The following USO1 variants were observed in gnomAD, a reference collection of about 807,000 sequenced individuals.
USO1 encodes USO1 vesicle transport factor.
USO1 carries 57 observed loss-of-function variants against 124.5 expected under a neutral mutation model. That is an observed-to-expected ratio of 0.46 (90% CI 0.37 to 0.57). USO1 has a LOEUF of 0.57. Ranked by LOEUF, USO1 falls within the 20% of genes least tolerant of loss-of-function variation. The pLI is 0.00. For missense variants in USO1, 900 were observed against 1,040.6 expected (o/e 0.86, Z 1.86); for synonymous variants, 369 against 362.8 (o/e 1.02, Z -0.19).
intron 21 of USO1, among the ~76,000 whole-genome samples, chr4:75,809,900 CT>C (rs1368147546): frequency 6.6e-6 from 1 of 152,206 alleles, no homozygotes; most frequent in Non-Finnish European, 1.5e-5. Context: ...TCCAAAGCTA[CT>C]TCCACATTTT....
intron 20 of USO1, among the ~76,000 whole-genome samples, chr4:75,807,750 G>A (rs958958035): frequency 6.6e-6 from 1 of 152,068 alleles, no homozygotes; most frequent in African/African-American, 2.4e-5. Flanking sequence ...GCCTTAGTTT[G>A]TAAATTCTAA....
At chr4:75,761,742 T>G (rs1166744030) in intron 4 of USO1, among the ~76,000 whole-genome samples, 3 of 152,214 alleles carry the variant, frequency 2.0e-5, no homozygotes, top group African/African-American at 7.2e-5. Flanking sequence ...CCAATTTCCT[T>G]GAGGTGCTTA....
intron 4 of USO1, among the ~76,000 whole-genome samples, chr4:75,764,319 C>T (rs960332626): frequency 4.6e-5 from 7 of 152,108 alleles, no homozygotes; most frequent in Admixed American, 1.3e-4. Flanking sequence ...TGTATTAAAA[C>T]GGGTTCATAG....
In USO1 at chr4:75,810,550, G is replaced by T; in HGVS notation, c.2583+11G>T. 1 of 1,592,772 alleles carries T rather than the reference G, an allele frequency of 6.3e-7. No individual in the cohort carries two copies. The highest frequency in any genetic ancestry group is 8.5e-7 in the Non-Finnish European group (1 of 1,172,468). On this transcript the variant is annotated intron_variant, in intron 22 of 23. Transcript: ENST00000514213. The stretch of plus-strand genomic sequence containing the variant: ...ACCAAAGAGTTAAAGGTTTGTTTTT[G>T]GTGCAACTTTTATTTACTGCATATG...
At chr4:75,738,299 A>C (rs980175333) in intron 1 of USO1, among the ~76,000 whole-genome samples, 3 of 151,832 alleles carry the variant, frequency 2.0e-5, no homozygotes, top group Non-Finnish European at 4.4e-5. Flanking sequence ...TCTACTAATA[A>C]TATAAAAATT....
chr4:75,726,221 C>T (rs1167857241), intron 1 of USO1, among the ~76,000 whole-genome samples: 1 of 135,462 alleles, frequency 7.4e-6, no homozygotes, highest in Admixed American at 7.7e-5. Flanking sequence ...GCGGAGGTTA[C>T]GGTGAGCAGA....
intron 3 of USO1, chr4:75,755,417 C>T: frequency 1.9e-6 from 1 of 517,982 alleles, no homozygotes; most frequent in Non-Finnish European, 3.9e-6. Flanking sequence ...TATCTTCAGT[C>T]ATTCTCTCAT....
chr4:75,724,795 G>A lies in USO1; in HGVS notation c.-25G>A, dbSNP rs1720343725. On this transcript the variant is annotated 5_prime_UTR_variant, in exon 1 of 24. Transcript: ENST00000514213. ...TCTTCTTTTTTTTCCGGAGGGGCCG[G>A]TAAACCTGGTGGCTGAACGGCAAGA... is the stretch of plus-strand genomic sequence containing the variant. 6.2e-7 allele frequency: 1 copy of A among 1,613,622 alleles called. No homozygotes were observed. The highest frequency in any genetic ancestry group is 1.3e-5 in the African/African-American group (1 of 75,046).
chr4:75,778,905 A>T (rs1722143884), intron 8 of USO1, among the ~76,000 whole-genome samples: 1 of 152,164 alleles, frequency 6.6e-6, no homozygotes, highest in Admixed American at 6.5e-5. Flanking sequence ...TTCCCAGGGA[A>T]TATGTTTTTT....
At position 75,746,927 on chromosome 4, in the gene USO1, G is replaced by A. The variant is rs142864878; in HGVS notation, c.67-5446G>A. Among the ~76,000 whole-genome samples, 14 of 152,276 alleles carry A rather than the reference G, an allele frequency of 9.2e-5. No individual in the cohort carries two copies. In the East Asian group the frequency reaches 2.7e-3, roughly 29 times the overall value. On this transcript the variant is annotated intron_variant, in intron 1 of 23. Coordinates refer to ENST00000514213, the MANE Select transcript of USO1 (RefSeq NM_003715.4). ...TGATAGCCAAAAGCCTGATAGGATA[G>A]AAGAATAATACAAGGAAGAAAAATA...
intron 1 of USO1, among the ~76,000 whole-genome samples, chr4:75,743,905 T>C (rs2149146269): frequency 6.6e-6 from 1 of 152,176 alleles, no homozygotes; most frequent in Middle Eastern, 3.4e-3. Context: ...GCCTCCCAAG[T>C]AGCTGGGACT....
intron 12 of USO1, 113 bp from the exon 13 acceptor site, chr4:75,793,577 A>G (rs1188228075): frequency 3.7e-6 from 5 of 1,344,104 alleles, no homozygotes; most frequent in South Asian, 3.0e-5. Context: ...ATGTTTAATG[A>G]TTATATTTAA....
chr4:75,774,206 T>C (rs1722009866), intron 7 of USO1, among the ~76,000 whole-genome samples: 1 of 152,196 alleles, frequency 6.6e-6, no homozygotes, highest in South Asian at 2.1e-4. Context: ...GTTTTGGGGA[T>C]TTGAAGGCCA....
At chr4:75,774,135 G>T (rs2149170006) in intron 7 of USO1, among the ~76,000 whole-genome samples, 1 of 152,226 alleles carries the variant, frequency 6.6e-6, no homozygotes, top group Middle Eastern at 3.4e-3. Flanking sequence ...GTCTTGTGTT[G>T]GACATGCCAT....
chr4:75,792,629 C>T (rs1026612215), intron 12 of USO1, among the ~76,000 whole-genome samples: 3 of 151,650 alleles, frequency 2.0e-5, no homozygotes, highest in Non-Finnish European at 4.4e-5. Context: ...CCTGGGAGGT[C>T]GAGGCTGCAG....
chr4:75,778,442 A>G (rs570757431), intron 8 of USO1, among the ~76,000 whole-genome samples: 5 of 152,288 alleles, frequency 3.3e-5, no homozygotes, highest in African/African-American at 9.6e-5. Flanking sequence ...AAAAGGAAGG[A>G]TTGGTCTTGC....
chr4:75,739,633 G>A lies in USO1; in HGVS notation c.67-12740G>A, dbSNP rs527457462. 5.8e-5 allele frequency among the ~76,000 whole-genome samples: 8 copies of A among 137,222 alleles called. No homozygotes were observed. In the South Asian group the frequency reaches 1.7e-3, roughly 29 times the overall value. 90.0% of individuals were successfully genotyped at this position (137,222 alleles called of 152,430 possible). A position where few individuals can be genotyped will look rare whatever the true frequency, so the allele number is the denominator to read the frequency against. ...TCGGCTCACTGCAAGCTCTGCCTCC[G>A]CCTCCCGAGTTTAAGTGATTCTCCT... On this transcript the variant is annotated intron_variant, in intron 1 of 23. Transcript: ENST00000514213.
At chr4:75,796,214 A>G (rs1306408502) in intron 13 of USO1, among the ~76,000 whole-genome samples, 1 of 152,098 alleles carries the variant, frequency 6.6e-6, no homozygotes, top group Non-Finnish European at 1.5e-5. Context: ...ATTAATTTAT[A>G]TACAATAAAA....
intron 7 of USO1, among the ~76,000 whole-genome samples, chr4:75,772,691 C>T (rs938603473): frequency 1.3e-5 from 2 of 152,010 alleles, no homozygotes; most frequent in Admixed American, 1.3e-4. Flanking sequence ...TTTCCATGTC[C>T]TGCAATTTAA....
Sources: gnomAD v4.1 joint callset for allele counts (sites outside exome capture counted in the v4.1 genomes callset) on GRCh38, gnomAD v4.1.1 for gene constraint, MANE v1.5 for transcripts, NCBI Gene and HGNC (gene_info 2026-07-23, HGNC 2026-07-21) for gene names.